The following RALGPS2 variants were observed in gnomAD, a reference collection of about 807,000 sequenced individuals.
RALGPS2 encodes ras-specific guanine nucleotide-releasing factor RalGPS2.
A neutral mutation model predicts 86.8 loss-of-function variants in RALGPS2; 43 were observed. That is an observed-to-expected ratio of 0.50 (90% CI 0.39 to 0.64). RALGPS2 has a LOEUF of 0.64. Among genes scored for constraint, RALGPS2 ranks in the 30% least tolerant of loss-of-function variants. The probability of loss-of-function intolerance (pLI) is 0.00; values close to 1 mark genes in which losing one functional copy is unlikely to be tolerated. For missense variants in RALGPS2, 536 were observed against 694.6 expected, an observed-to-expected ratio of 0.77 and a Z score of 2.57; for synonymous variants, 243 against 231.3, an observed-to-expected ratio of 1.05 and a Z score of -0.46.
At chr1:178,747,457 A>C in intron 1 of RALGPS2, 5 of 1,596,092 alleles carry the variant, frequency 3.1e-6, no homozygotes, top group Non-Finnish European at 4.3e-6. Context: ...TCTCTTGGTC[A>C]TCTGTTGGCC....
At chr1:178,744,491 G>A (rs1274287252) in intron 1 of RALGPS2, among the ~76,000 whole-genome samples, 2 of 152,110 alleles carry the variant, frequency 1.3e-5, no homozygotes, top group Admixed American at 1.3e-4. Context: ...GTGTACTGGA[G>A]GTTCATTGCA....
intron 1 of RALGPS2, among the ~76,000 whole-genome samples, chr1:178,775,416 T>A (rs1031802488): frequency 6.6e-6 from 1 of 152,142 alleles, no homozygotes; most frequent in Non-Finnish European, 1.5e-5. Context: ...AGTACCTAAT[T>A]TATAGACACT....
chr1:178,810,482 A>G (rs1654925132), intron 5 of RALGPS2, among the ~76,000 whole-genome samples: 1 of 151,902 alleles, frequency 6.6e-6, no homozygotes, highest in African/African-American at 2.4e-5. Context: ...TTGAATTCGT[A>G]GTTGATATTT....
intron 7 of RALGPS2, among the ~76,000 whole-genome samples, chr1:178,825,968 C>G (rs1655725279): frequency 6.6e-6 from 1 of 152,114 alleles, no homozygotes. Flanking sequence ...AAGATTACAC[C>G]TAACCTACCT....
chr1:178,834,241 G>C (rs1656161970), intron 8 of RALGPS2, among the ~76,000 whole-genome samples: 1 of 152,142 alleles, frequency 6.6e-6, no homozygotes, highest in African/African-American at 2.4e-5. Flanking sequence ...TACATACCTA[G>C]CATACATTAA....
At chr1:178,784,365 C>A in intron 2 of RALGPS2, 53 bp from the exon 3 acceptor site, 1 of 1,383,812 alleles carries the variant, frequency 7.2e-7, no homozygotes, top group Non-Finnish European at 1.0e-6. Flanking sequence ...TAGTTTCTAT[C>A]ACTTGATTGT....
At chr1:178,822,762 A>G (rs1406003992) in intron 7 of RALGPS2, among the ~76,000 whole-genome samples, 1 of 152,150 alleles carries the variant, frequency 6.6e-6, no homozygotes, top group African/African-American at 2.4e-5. Flanking sequence ...TCATGGAGGA[A>G]TGGAAATGAT....
In RALGPS2 at chr1:178,831,441, T is replaced by C. The variant is rs74129708; in HGVS notation, c.481-1983T>C. 2.4e-3 allele frequency among the ~76,000 whole-genome samples: 361 copies of C among 152,120 alleles called. 1 individual carries two copies. Among genetic ancestry groups the C allele is most frequent in the African/African-American group, 8.4e-3 (350 of 41,508 alleles). ...TGACATGAGCGGGCATTCATCTAGG[T>C]TTTCCCCCAAAACAGATTGTGGTGG... On this transcript the variant is annotated intron_variant, in intron 7 of 19. Transcript: ENST00000367635.
chr1:178,881,730 C>T (rs1441001217), intron 10 of RALGPS2, among the ~76,000 whole-genome samples: 3 of 152,126 alleles, frequency 2.0e-5, no homozygotes, highest in Non-Finnish European at 4.4e-5. Flanking sequence ...GGATTACAGG[C>T]GTGAGCCACC....
At chr1:178,861,472 T>G (rs1451886631) in intron 8 of RALGPS2, among the ~76,000 whole-genome samples, 1 of 151,892 alleles carries the variant, frequency 6.6e-6, no homozygotes, top group Non-Finnish European at 1.5e-5. Flanking sequence ...GTACTAATGC[T>G]AAGTGTATAA....
chr1:178,810,323 G>A (rs1654915681), intron 5 of RALGPS2, among the ~76,000 whole-genome samples: 2 of 152,062 alleles, frequency 1.3e-5, no homozygotes, highest in African/African-American at 4.8e-5. Context: ...GGAGGCAGAG[G>A]TTGCAGTTAG....
At chr1:178,783,850 A>G (rs4651006) in intron 2 of RALGPS2, among the ~76,000 whole-genome samples, 70,712 of 151,928 alleles carry the variant, frequency 0.47, 17,737 homozygotes, top group African/African-American at 0.65. Context: ...TATAGCCACA[A>G]CATATTCAAA....
In RALGPS2 at chr1:178,918,575, A is replaced by G. The variant is rs1227285993; in HGVS notation, c.*2216A>G. On this transcript the variant is annotated 3_prime_UTR_variant, in exon 20 of 20. Transcript: ENST00000367635. ...TCTAAACATTAATGGATGTTTGCGT[A>G]GAGTAAGATAGCGTTCAAATTTGGT... is the stretch of plus-strand genomic sequence containing the variant. 6.6e-6 allele frequency: 1 copy of G among 152,120 alleles called. No individual in the cohort carries two copies. Among genetic ancestry groups the G allele is most frequent in the Non-Finnish European group, 1.5e-5 (1 of 67,964 alleles). The allele number at this position is 152,120 out of a possible 1,614,324, so 9.4% of individuals were successfully genotyped here.
chr1:178,857,641 C>T (rs1165010633), intron 8 of RALGPS2, among the ~76,000 whole-genome samples: 1 of 152,138 alleles, frequency 6.6e-6, no homozygotes, highest in African/African-American at 2.4e-5. Flanking sequence ...ATATTTATCT[C>T]ATTTTATAAA....
chr1:178,778,795 C>G (rs553997103), intron 2 of RALGPS2, among the ~76,000 whole-genome samples: 4 of 151,124 alleles, frequency 2.6e-5, no homozygotes, highest in African/African-American at 4.9e-5. Flanking sequence ...ATCGCAAGAA[C>G]AAAAAACCAA....
At chr1:178,787,834 C>T (rs915470793) in intron 4 of RALGPS2, among the ~76,000 whole-genome samples, 2 of 152,174 alleles carry the variant, frequency 1.3e-5, no homozygotes, top group Admixed American at 6.6e-5. Flanking sequence ...GCAGTGACCT[C>T]TTACTTCATC....
At chr1:178,843,239 A>C (rs1289609191) in intron 8 of RALGPS2, among the ~76,000 whole-genome samples, 1 of 137,748 alleles carries the variant, frequency 7.3e-6, no homozygotes, top group Admixed American at 7.2e-5. Flanking sequence ...AATAGCAAAG[A>C]CTTGGAACCA....
chr1:178,877,358 C>A, intron 8 of RALGPS2, 140 bp from the exon 9 acceptor site: 1 of 1,292,448 alleles, frequency 7.7e-7, no homozygotes, highest in Non-Finnish European at 1.0e-6. Flanking sequence ...GTTACCCAGG[C>A]TTCAGTGTAT....
intron 2 of RALGPS2, among the ~76,000 whole-genome samples, chr1:178,783,761 T>G (rs1162645789): frequency 6.6e-6 from 1 of 152,178 alleles, no homozygotes; most frequent in Non-Finnish European, 1.5e-5. Flanking sequence ...AATATATTAT[T>G]ATGTCATGGC....
Sources: gnomAD v4.1 joint callset for allele counts (sites outside exome capture counted in the v4.1 genomes callset) on GRCh38, gnomAD v4.1.1 for gene constraint, MANE v1.5 for transcripts, NCBI Gene and HGNC (gene_info 2026-07-23, HGNC 2026-07-21) for gene names.